TBC1D19: variants seen among roughly 807,000 people sequenced by gnomAD.
The protein encoded by TBC1D19 is TBC1 domain family member 19, also known as TBC1 domain family, member 19.
TBC1D19 carries 60 observed loss-of-function variants against 89.0 expected under a neutral mutation model. The observed-to-expected ratio is 0.67, with a 90% CI of 0.55 to 0.84. TBC1D19 has a LOEUF of 0.84. Ranked by LOEUF, TBC1D19 falls within the 40% of genes least tolerant of loss-of-function variation. The probability of loss-of-function intolerance (pLI) is 0.00; values close to 1 mark genes in which losing one functional copy is unlikely to be tolerated. For missense variants in TBC1D19, 500 were observed against 610.8 expected, an observed-to-expected ratio of 0.82 and a Z score of 1.91; for synonymous variants, 189 against 199.7, an observed-to-expected ratio of 0.95 and a Z score of 0.45.
intron 13 of TBC1D19, among the ~76,000 whole-genome samples, chr4:26,713,368 A>G (rs1460483493): frequency 1.3e-5 from 2 of 151,966 alleles, no homozygotes; most frequent in African/African-American, 4.8e-5. Context: ...AAGTATTAAT[A>G]TATTTTCTTG....
chr4:26,686,198 G>A (rs1713793714), intron 12 of TBC1D19, among the ~76,000 whole-genome samples: 1 of 152,110 alleles, frequency 6.6e-6, no homozygotes, highest in East Asian at 1.9e-4. Context: ...TGAAAACAAG[G>A]TGGAATTCTT....
intron 1 of TBC1D19, among the ~76,000 whole-genome samples, chr4:26,577,471 C>T (rs962627397): frequency 1.3e-5 from 2 of 152,206 alleles, no homozygotes; most frequent in Admixed American, 6.5e-5. Flanking sequence ...CAAACAGTCC[C>T]CTCCTGGGGA....
intron 1 of TBC1D19, among the ~76,000 whole-genome samples, chr4:26,590,866 G>C (rs186682463): frequency 3.4e-4 from 40 of 116,358 alleles, no homozygotes; most frequent in African/African-American, 1.2e-3. Context: ...CGCTAGGCTG[G>C]TCTCAAGCTC....
At chr4:26,724,549 C>T (rs1460252971) in intron 15 of TBC1D19, among the ~76,000 whole-genome samples, 1 of 152,052 alleles carries the variant, frequency 6.6e-6, no homozygotes, top group Non-Finnish European at 1.5e-5. Context: ...CTTATATGCT[C>T]ACTGAAGTCT....
At chr4:26,699,060 A>C (rs906771604) in intron 13 of TBC1D19, among the ~76,000 whole-genome samples, 4 of 152,236 alleles carry the variant, frequency 2.6e-5, no homozygotes, top group African/African-American at 9.6e-5. Flanking sequence ...AGAAACTACC[A>C]TCAGAGTGAA....
At chr4:26,732,574 G>A (rs1170688397) in intron 15 of TBC1D19, among the ~76,000 whole-genome samples, 2 of 152,218 alleles carry the variant, frequency 1.3e-5, no homozygotes, top group Non-Finnish European at 2.9e-5. Flanking sequence ...TGGGGCAGGA[G>A]TCCGAAGCAG....
chr4:26,829,282 C>T, the TBC1D19 span, among the ~76,000 whole-genome samples: 2 of 152,318 alleles, frequency 1.3e-5, no homozygotes, highest in Non-Finnish European at 1.5e-5. Flanking sequence ...TCTCTGTTCT[C>T]GCTGTGGGAG....
intron 13 of TBC1D19, among the ~76,000 whole-genome samples, chr4:26,707,643 G>A (rs1715842646): frequency 2.0e-5 from 3 of 151,212 alleles, no homozygotes; most frequent in African/African-American, 4.9e-5. Context: ...GTTTAGTTGG[G>A]GTTTTTGTGT....
At chr4:26,590,936 C>T (rs1447263358) in intron 1 of TBC1D19, among the ~76,000 whole-genome samples, 1 of 150,236 alleles carries the variant, frequency 6.7e-6, no homozygotes, top group African/African-American at 2.5e-5. Context: ...CAGGTGTTCA[C>T]CCATGTACAT....
the TBC1D19 span, among the ~76,000 whole-genome samples, chr4:26,763,616 A>G: frequency 6.6e-6 from 1 of 152,230 alleles, no homozygotes; most frequent in Non-Finnish European, 1.5e-5. Flanking sequence ...ACCAAGCTGC[A>G]TCCCAACAAC....
intron 18 of TBC1D19, among the ~76,000 whole-genome samples, chr4:26,743,516 A>G (rs1162229298): frequency 6.6e-6 from 1 of 152,076 alleles, no homozygotes; most frequent in Non-Finnish European, 1.5e-5. Flanking sequence ...AATCAAGAGA[A>G]TTAGTACCTT....
chr4:26,777,350 G>A, the TBC1D19 span, among the ~76,000 whole-genome samples: 3 of 152,104 alleles, frequency 2.0e-5, no homozygotes, highest in African/African-American at 7.2e-5. Context: ...GGTCAGGTTG[G>A]TCTCGAACTC....
the TBC1D19 span, among the ~76,000 whole-genome samples, chr4:26,842,582 C>CCTT: frequency 2.5e-4 from 24 of 95,462 alleles, no homozygotes; most frequent in Non-Finnish European, 4.9e-4. Context: ...CTTCCTCCCT[C>CCTT]CCTTTCTTTC....
chr4:26,781,859 G>T, the TBC1D19 span, among the ~76,000 whole-genome samples: 1 of 151,324 alleles, frequency 6.6e-6, no homozygotes, highest in Non-Finnish European at 1.5e-5. Context: ...TAATAAAAAT[G>T]ATTTGAGCAT....
intron 15 of TBC1D19, among the ~76,000 whole-genome samples, chr4:26,733,483 ACT>A (rs753428959): frequency 2.9e-5 from 4 of 138,024 alleles, no homozygotes; most frequent in Non-Finnish European, 4.8e-5. Flanking sequence ...ACACACACAC[ACT>A]CTTTAGTGAT....
intron 4 of TBC1D19, among the ~76,000 whole-genome samples, chr4:26,621,204 T>C (rs969207470): frequency 6.6e-6 from 1 of 152,178 alleles, no homozygotes; most frequent in African/African-American, 2.4e-5. Context: ...AATAAAATAA[T>C]TTAAGTATAA....
At chr4:26,780,239 C>T in the TBC1D19 span, among the ~76,000 whole-genome samples, 47 of 152,304 alleles carry the variant, frequency 3.1e-4, no homozygotes, top group South Asian at 4.1e-4. Flanking sequence ...AAATTAGGAT[C>T]GTCCCACATT....
At chr4:26,728,897 C>G (rs1717485174) in intron 15 of TBC1D19, among the ~76,000 whole-genome samples, 1 of 152,152 alleles carries the variant, frequency 6.6e-6, no homozygotes, top group South Asian at 2.1e-4. Flanking sequence ...CGCCTGTAGT[C>G]CCAGCTACTC....
chr4:26,687,250 G>A (rs907904290), intron 12 of TBC1D19, among the ~76,000 whole-genome samples: 1 of 152,098 alleles, frequency 6.6e-6, no homozygotes. Context: ...CTTTCTGGAT[G>A]TTTACTCTTT....
Sources: allele counts gnomAD v4.1 joint callset (sites outside exome capture counted in the v4.1 genomes callset), GRCh38; gene constraint gnomAD v4.1.1; transcripts MANE v1.5; gene names NCBI Gene and HGNC (gene_info 2026-07-23, HGNC 2026-07-21).